NTRK3: variants seen among roughly 807,000 people sequenced by gnomAD.
The protein encoded by NTRK3 is neurotrophic receptor tyrosine kinase 3, also known as NT-3 growth factor receptor.
Under a neutral mutation model 91.7 loss-of-function variants are expected in NTRK3, and 24 were observed. The observed-to-expected ratio is 0.26, with a 90% CI of 0.19 to 0.37. The LOEUF is 0.37. NTRK3 is among the 10% of genes least tolerant of loss of function. NTRK3 has a pLI of 1.00. For missense variants in NTRK3, 880 were observed against 1,068.9 expected (o/e 0.82, Z 2.46); for synonymous variants, 483 against 404.0 (o/e 1.20, Z -2.34).
chr15:88,233,736 C>T lies in NTRK3; in HGVS notation c.248+22170G>A, dbSNP rs2051416898. ...CTCCTGGTCCTCCTTACTCTCCCTT[C>T]CTTCCCTGCCCCCTTCCTCCCTACA... On this transcript the variant is annotated intron_variant, in intron 3 of 18. Transcript: ENST00000394480. The surrounding 1 kb of genome is among the most constrained non-coding windows in gnomAD (Gnocchi z 4.2). Among the ~76,000 whole-genome samples the T allele has an allele frequency of 6.6e-6, 1 of 151,952 alleles. No individual in the cohort carries two copies. Among genetic ancestry groups the T allele is most frequent in the Non-Finnish European group, 1.5e-5 (1 of 67,982 alleles).
intron 13 of NTRK3, among the ~76,000 whole-genome samples, chr15:88,071,209 G>C (rs2047062515): frequency 6.6e-6 from 1 of 152,220 alleles, no homozygotes; most frequent in African/African-American, 2.4e-5. Flanking sequence ...TGAGGCCCGA[G>C]GACTCACTGC....
intron 14 of NTRK3, among the ~76,000 whole-genome samples, chr15:87,944,509 T>C (rs1377397369): frequency 1.3e-5 from 2 of 152,208 alleles, no homozygotes; most frequent in East Asian, 3.9e-4. Context: ...AGGGGGTAAC[T>C]TGCCAAATTC....
intron 3 of NTRK3, among the ~76,000 whole-genome samples, chr15:88,248,410 A>C (rs2053044182): frequency 6.6e-6 from 1 of 152,206 alleles, no homozygotes; most frequent in African/African-American, 2.4e-5. Context: ...CTTATATCCC[A>C]GCCAGGGTAA....
chr15:87,970,605 A>C (rs1209751132), intron 14 of NTRK3, among the ~76,000 whole-genome samples: 2 of 152,218 alleles, frequency 1.3e-5, no homozygotes, highest in Admixed American at 6.5e-5. Context: ...AGGTAGAATA[A>C]GGTTTGTTTA....
chr15:88,016,095 C>A (rs778415370), intron 14 of NTRK3, among the ~76,000 whole-genome samples: 14 of 152,068 alleles, frequency 9.2e-5, no homozygotes, highest in Non-Finnish European at 7.3e-5. Context: ...GGCAAAATGT[C>A]ATGCATTCAT....
chr15:88,139,603 C>G (rs1055401791), intron 6 of NTRK3, among the ~76,000 whole-genome samples: 1 of 152,092 alleles, frequency 6.6e-6, no homozygotes, highest in Non-Finnish European at 1.5e-5. Context: ...ACATGGTACT[C>G]TGTCAGAAAG....
chr15:88,045,791 T>C (rs899847884), intron 13 of NTRK3, among the ~76,000 whole-genome samples: 1 of 152,354 alleles, frequency 6.6e-6, no homozygotes, highest in African/African-American at 2.4e-5. Context: ...TCTGTCATCA[T>C]GTAGCCTTCT....
intron 6 of NTRK3, chr15:88,143,822 T>C (rs570003825): frequency 2.2e-4 from 34 of 152,358 alleles, no homozygotes; most frequent in African/African-American, 8.2e-4. Flanking sequence ...AGTTAATATT[T>C]TACCAAGCTG....
At chr15:88,088,884 C>G (rs1354486666) in intron 13 of NTRK3, among the ~76,000 whole-genome samples, 2 of 152,172 alleles carry the variant, frequency 1.3e-5, no homozygotes, top group African/African-American at 2.4e-5. Flanking sequence ...TGCTTAACCT[C>G]TCTGACCTTC....
At chr15:87,967,202 G>C (rs1450474837) in intron 14 of NTRK3, among the ~76,000 whole-genome samples, 1 of 152,176 alleles carries the variant, frequency 6.6e-6, no homozygotes, top group Non-Finnish European at 1.5e-5. Context: ...CGGTGGGTTT[G>C]TGAAATAATC....
chr15:87,899,011 C>T (rs935741672), intron 17 of NTRK3, among the ~76,000 whole-genome samples: 1 of 152,094 alleles, frequency 6.6e-6, no homozygotes, highest in African/African-American at 2.4e-5. Context: ...AACACCATAA[C>T]AACTCTAATT....
chr15:88,003,787 C>A (rs1227263813), intron 14 of NTRK3, among the ~76,000 whole-genome samples: 1 of 149,752 alleles, frequency 6.7e-6, no homozygotes, highest in Non-Finnish European at 1.5e-5. Flanking sequence ...AGTAAATAGG[C>A]ACAAGGGTGT....
At chr15:88,067,180 T>G (rs2046721808) in intron 13 of NTRK3, among the ~76,000 whole-genome samples, 1 of 152,166 alleles carries the variant, frequency 6.6e-6, no homozygotes, top group Non-Finnish European at 1.5e-5. Context: ...TGCTGAGGGC[T>G]CAGTCCCATT....
chr15:87,893,190 T>C (rs2065934827), intron 17 of NTRK3, among the ~76,000 whole-genome samples: 1 of 152,150 alleles, frequency 6.6e-6, no homozygotes, highest in Admixed American at 6.5e-5. Context: ...CCCAAGGCTG[T>C]ATCGTACCCC....
chr15:87,931,465 T>C (rs1222810930), intron 16 of NTRK3, among the ~76,000 whole-genome samples: 1 of 152,206 alleles, frequency 6.6e-6, no homozygotes, highest in Non-Finnish European at 1.5e-5. Flanking sequence ...ATTATACATA[T>C]AGTCATTTAA....
intron 3 of NTRK3, among the ~76,000 whole-genome samples, chr15:88,236,981 A>C (rs2051846858): frequency 6.6e-6 from 1 of 152,190 alleles, no homozygotes; most frequent in Admixed American, 6.5e-5. Context: ...CAGAGAATGC[A>C]CACTTAAGAG....
chr15:87,940,484 G>C, intron 15 of NTRK3, 139 bp downstream of exon 15: 2 of 1,373,918 alleles, frequency 1.5e-6, no homozygotes, highest in South Asian at 2.4e-5. Context: ...AAACTTCATT[G>C]ACCTCGGAGC....
intron 13 of NTRK3, among the ~76,000 whole-genome samples, chr15:88,040,471 G>T (rs1158205930): frequency 6.6e-6 from 1 of 151,894 alleles, no homozygotes; most frequent in Non-Finnish European, 1.5e-5. Context: ...AATGAAGGAG[G>T]AAAAAGGAGC....
chr15:88,005,882 A>G (rs1005057406), intron 14 of NTRK3, among the ~76,000 whole-genome samples: 14 of 152,186 alleles, frequency 9.2e-5, no homozygotes, highest in African/African-American at 3.4e-4. Flanking sequence ...ATCTATCTTC[A>G]CATCAATATG....
Sources: gnomAD v4.1 joint callset for allele counts (sites outside exome capture counted in the v4.1 genomes callset) on GRCh38, gnomAD v4.1.1 for gene constraint, Gnocchi (gnomAD v3.1) non-coding constraint, MANE v1.5 for transcripts, NCBI Gene and HGNC (gene_info 2026-07-23, HGNC 2026-07-21) for gene names.